The following FOXP1 variants were observed in gnomAD, a reference collection of about 807,000 sequenced individuals.
FOXP1 encodes the protein forkhead box protein P1.
A neutral mutation model predicts 98.2 loss-of-function variants in FOXP1; 15 were observed. That is an observed-to-expected ratio of 0.15 (90% CI 0.10 to 0.24). The LOEUF (loss-of-function observed/expected upper bound fraction) is 0.24, where lower values mean the gene tolerates loss of function less well. Ranked by LOEUF, FOXP1 falls within the 10% of genes least tolerant of loss-of-function variation. The pLI is 1.00. For synonymous variants in FOXP1, 371 were observed against 314.5 expected, an observed-to-expected ratio of 1.18 and a Z score of -1.90; for missense variants, 633 against 848.5, an observed-to-expected ratio of 0.75 and a Z score of 3.15.
chr3:71,113,265 T>A (rs1309378394), intron 6 of FOXP1, among the ~76,000 whole-genome samples: 1 of 152,194 alleles, frequency 6.6e-6, no homozygotes, highest in Non-Finnish European at 1.5e-5. Flanking sequence ...ACATTATGTA[T>A]CTGTGAACAA....
intron 4 of FOXP1, among the ~76,000 whole-genome samples, chr3:71,357,258 T>A (rs1276772274): frequency 6.6e-6 from 1 of 152,164 alleles, no homozygotes; most frequent in Admixed American, 6.5e-5. Context: ...TATTCGAGAG[T>A]TTAAATTTTG....
chr3:71,462,050 G>A (rs1343073862), intron 3 of FOXP1, among the ~76,000 whole-genome samples: 1 of 152,148 alleles, frequency 6.6e-6, no homozygotes, highest in Admixed American at 6.5e-5. Context: ...ACTACCTGGT[G>A]TTGATATTGT....
At chr3:71,166,592 T>C (rs539116325) in intron 6 of FOXP1, among the ~76,000 whole-genome samples, 1 of 152,192 alleles carries the variant, frequency 6.6e-6, no homozygotes, top group Non-Finnish European at 1.5e-5. Context: ...TTGAGACCAC[T>C]ACTGGCCTCT....
intron 20 of FOXP1, among the ~76,000 whole-genome samples, chr3:70,964,731 T>C (rs925219052): frequency 2.0e-5 from 3 of 152,230 alleles, no homozygotes; most frequent in Non-Finnish European, 2.9e-5. Flanking sequence ...ATACTGTTCA[T>C]ATAAATTAAA....
At chr3:71,179,324 T>C (rs894751862) in intron 6 of FOXP1, among the ~76,000 whole-genome samples, 1 of 151,850 alleles carries the variant, frequency 6.6e-6, no homozygotes, top group African/African-American at 2.4e-5. Context: ...AGAGACAGGT[T>C]TTTGAACTCC....
intron 2 of FOXP1, among the ~76,000 whole-genome samples, chr3:71,540,374 A>G (rs988361489): frequency 3.3e-5 from 5 of 152,272 alleles, no homozygotes; most frequent in African/African-American, 1.2e-4. Flanking sequence ...AAGGTGCTAG[A>G]AAAGAAAGAG....
intron 6 of FOXP1, among the ~76,000 whole-genome samples, chr3:71,139,163 C>G (rs1473514299): frequency 6.6e-6 from 1 of 152,084 alleles, no homozygotes; most frequent in Admixed American, 6.6e-5. Flanking sequence ...TTGGGGCATA[C>G]ATAGAGATAC....
At chr3:70,979,949 G>T (rs1204003471) in intron 14 of FOXP1, among the ~76,000 whole-genome samples, 1 of 152,114 alleles carries the variant, frequency 6.6e-6, no homozygotes, top group African/African-American at 2.4e-5. Flanking sequence ...GCTTTGAGTT[G>T]TGCTTTCCTT....
At chr3:71,372,431 C>G (rs1009821907) in intron 3 of FOXP1, among the ~76,000 whole-genome samples, 12 of 152,142 alleles carry the variant, frequency 7.9e-5, no homozygotes, top group African/African-American at 2.4e-4. Context: ...TGTGTGAACT[C>G]CCATTCCACG....
chr3:71,309,199 G>A (rs773423650), intron 4 of FOXP1, among the ~76,000 whole-genome samples: 3 of 151,880 alleles, frequency 2.0e-5, no homozygotes, highest in African/African-American at 7.3e-5. Flanking sequence ...TATCCATCTC[G>A]ATCCATCCAT....
intron 5 of FOXP1, among the ~76,000 whole-genome samples, chr3:71,291,551 T>C (rs2072746348): frequency 6.6e-6 from 1 of 152,140 alleles, no homozygotes; most frequent in African/African-American, 2.4e-5. Context: ...GATGTGTGAA[T>C]AAACAGATGA....
rs183017006 is a variant in FOXP1, at chr3:71,053,337, T to C, written c.420+299A>G. Reference sequence around the variant, plus strand: ...CCTCATTTTGCTTTGATTCACACCATTTAGGAGCCATGTAAACCTAAAAGA... The same window carrying C: ...CCTCATTTTGCTTTGATTCACACCACTTAGGAGCCATGTAAACCTAAAAGA... On this transcript the variant is annotated intron_variant, in intron 8 of 20. Coordinates refer to ENST00000649528, the MANE Select transcript of FOXP1 (RefSeq NM_001349338.3). 1.6e-4 allele frequency among the ~76,000 whole-genome samples: 24 copies of C among 152,332 alleles called. No homozygotes were observed. In the East Asian group the frequency reaches 4.0e-3, roughly 26 times the overall value.
At chr3:71,500,694 AAAAG>A (rs1462162637) in intron 2 of FOXP1, among the ~76,000 whole-genome samples, 1 of 152,228 alleles carries the variant, frequency 6.6e-6, no homozygotes, top group African/African-American at 2.4e-5. Flanking sequence ...AAGCAACTAA[AAAAG>A]AAAGAGTTGG....
intron 6 of FOXP1, among the ~76,000 whole-genome samples, chr3:71,121,315 CG>C (rs2058749482): frequency 6.7e-6 from 1 of 148,890 alleles, no homozygotes; most frequent in Non-Finnish European, 1.5e-5. Context: ...TTGAAAGGCA[CG>C]TACAGGATAC....
chr3:71,086,135 G>A (rs933054603), intron 7 of FOXP1, among the ~76,000 whole-genome samples: 2 of 152,190 alleles, frequency 1.3e-5, no homozygotes, highest in Admixed American at 6.5e-5. Flanking sequence ...AAGAGACTCA[G>A]GATGACATGG....
chr3:71,146,322 C>T (rs2060304749), intron 6 of FOXP1, among the ~76,000 whole-genome samples: 1 of 152,030 alleles, frequency 6.6e-6, no homozygotes, highest in African/African-American at 2.4e-5. Flanking sequence ...CAAACATGGA[C>T]CTCCTTATAT....
intron 4 of FOXP1, among the ~76,000 whole-genome samples, chr3:71,320,735 A>G (rs546861954): frequency 1.3e-5 from 2 of 152,194 alleles, no homozygotes; most frequent in Admixed American, 6.5e-5. Context: ...TCAGTAAACA[A>G]CGTTAACGGC....
chr3:71,558,499 ATT>A (rs1160071071), intron 2 of FOXP1, among the ~76,000 whole-genome samples: 32 of 141,740 alleles, frequency 2.3e-4, no homozygotes, highest in Admixed American at 2.8e-4. Context: ...GTTTTTTTGG[ATT>A]TTTTTTTTTT....
intron 6 of FOXP1, among the ~76,000 whole-genome samples, chr3:71,120,658 T>C (rs2058694232): frequency 6.6e-6 from 1 of 151,970 alleles, no homozygotes; most frequent in Admixed American, 6.6e-5. Flanking sequence ...TGCAGAGGAG[T>C]TACAGTCATG....
Sources: allele counts gnomAD v4.1 joint callset (sites outside exome capture counted in the v4.1 genomes callset), GRCh38; gene constraint gnomAD v4.1.1; transcripts MANE v1.5; gene names NCBI Gene and HGNC (gene_info 2026-07-23, HGNC 2026-07-21).